Variants in ADAM32 observed in about 807,000 individuals in gnomAD.
The protein encoded by ADAM32 is ADAM metallopeptidase domain 32, also known as disintegrin and metalloproteinase domain-containing protein 32.
ADAM32 carries 89 observed loss-of-function variants against 114.9 expected under a neutral mutation model. That is an observed-to-expected ratio of 0.77 (90% CI 0.65 to 0.92). ADAM32 has a LOEUF of 0.92. ADAM32 is among the 40% of genes least tolerant of loss of function. The pLI is 0.00. For missense variants in ADAM32, 870 were observed against 932.8 expected (o/e 0.93, Z 0.88); for synonymous variants, 285 against 307.5 (o/e 0.93, Z 0.77).
At chr8:39,118,859 C>T (rs944046983) in intron 2 of ADAM32, among the ~76,000 whole-genome samples, 3 of 152,116 alleles carry the variant, frequency 2.0e-5, no homozygotes, top group African/African-American at 7.2e-5. Context: ...TTACCACAGT[C>T]CAGTTGTAGA....
chr8:39,249,959 C>T (rs1438502994), intron 17 of ADAM32, among the ~76,000 whole-genome samples: 1 of 152,028 alleles, frequency 6.6e-6, no homozygotes, highest in Non-Finnish European at 1.5e-5. Flanking sequence ...TATCTTTGTG[C>T]CTCTATAGAT....
chr8:39,246,031 A>G, intron 16 of ADAM32, 52 bp from the exon 17 acceptor site: 1 of 1,354,994 alleles, frequency 7.4e-7, no homozygotes, highest in Non-Finnish European at 1.1e-6. Context: ...TAATGTTATG[A>G]TGACTGTACC....
intron 1 of ADAM32, among the ~76,000 whole-genome samples, chr8:39,114,653 C>G (rs1450405066): frequency 6.6e-6 from 1 of 152,208 alleles, no homozygotes; most frequent in East Asian, 1.9e-4. Context: ...TCAGAATTCC[C>G]TGATTCCCAG....
intron 10 of ADAM32, among the ~76,000 whole-genome samples, chr8:39,180,355 G>A (rs1436101450): frequency 6.6e-6 from 1 of 152,198 alleles, no homozygotes; most frequent in African/African-American, 2.4e-5. Context: ...CTTCCCATGG[G>A]GCAGGCCTCC....
At chr8:39,215,124 T>C (rs1048093841) in intron 12 of ADAM32, among the ~76,000 whole-genome samples, 20 of 152,138 alleles carry the variant, frequency 1.3e-4, no homozygotes, top group African/African-American at 4.8e-4. Flanking sequence ...TCCTCCAGTT[T>C]TGTTCTTTTT....
intron 10 of ADAM32, among the ~76,000 whole-genome samples, chr8:39,180,037 A>C (rs1295373243): frequency 6.6e-6 from 1 of 152,046 alleles, no homozygotes; most frequent in Non-Finnish European, 1.5e-5. Context: ...CCTTTGGCCC[A>C]CCGCTGCACT....
In ADAM32 at chr8:39,124,060, G is replaced by C. The variant is rs562258245; in HGVS notation, c.138+5895G>C. ...TTTTAAGTTCAGGGGTGCATGTACA[G>C]GTTGTGCAGGTTTGTTATATAGGTA... On this transcript the variant is annotated intron_variant, in intron 2 of 24. Coordinates refer to ENST00000379907, the MANE Select transcript of ADAM32 (RefSeq NM_145004.7). Among the ~76,000 whole-genome samples, 51 of 151,674 alleles carry C rather than the reference G, an allele frequency of 3.4e-4. 1 individual carries two copies. In the South Asian group the frequency reaches 0.01, roughly 30 times the overall value.
chr8:39,196,417 A>T (rs1806998029), intron 11 of ADAM32, among the ~76,000 whole-genome samples: 1 of 152,024 alleles, frequency 6.6e-6, no homozygotes. Context: ...TGTGCCAGTT[A>T]TTGGGAGAAA....
chr8:39,280,464 A>G (rs769658519), intron 22 of ADAM32, among the ~76,000 whole-genome samples: 5 of 152,230 alleles, frequency 3.3e-5, no homozygotes, highest in Non-Finnish European at 7.3e-5. Context: ...TGCAATTTAT[A>G]TATTAACAAA....
chr8:39,203,078 T>A (rs572046134), intron 11 of ADAM32, among the ~76,000 whole-genome samples: 2 of 152,164 alleles, frequency 1.3e-5, no homozygotes, highest in Non-Finnish European at 2.9e-5. Context: ...GGGATAAGTG[T>A]GATGTGGTGC....
intron 12 of ADAM32, among the ~76,000 whole-genome samples, chr8:39,213,757 G>A (rs1808380115): frequency 6.6e-6 from 1 of 151,896 alleles, no homozygotes; most frequent in African/African-American, 2.4e-5. Flanking sequence ...GCTATGAAAT[G>A]CTAGCTCTTA....
chr8:39,112,563 A>G (rs775389256), intron 1 of ADAM32, among the ~76,000 whole-genome samples: 5 of 152,232 alleles, frequency 3.3e-5, no homozygotes, highest in African/African-American at 4.8e-5. Context: ...AACTTTGTAC[A>G]TGAAGTCTTG....
At chr8:39,214,625 CCATTCTGTGGGTTGTGTCTT>C (rs1393351926) in intron 12 of ADAM32, among the ~76,000 whole-genome samples, 1 of 151,992 alleles carries the variant, frequency 6.6e-6, no homozygotes, top group East Asian at 1.9e-4. Context: ...ATATTTCCTC[CCATTCTGTGGGTTGTGTCTT>C]CACTTTGTTG....
At chr8:39,274,448 T>TTGG in intron 21 of ADAM32, 98 bp downstream of exon 21, 1 of 1,391,324 alleles carries the variant, frequency 7.2e-7, no homozygotes, top group Non-Finnish European at 1.0e-6. Flanking sequence ...ACAATGTCAA[T>TTGG]TGGTAAAGCA....
At chr8:39,170,866 G>A (rs976571232) in intron 10 of ADAM32, among the ~76,000 whole-genome samples, 23 of 152,040 alleles carry the variant, frequency 1.5e-4, no homozygotes, top group African/African-American at 5.3e-4. Context: ...GAAGGGTAGG[G>A]GGAAGAGGAG....
At chr8:39,184,436 G>A (rs1253603791) in intron 10 of ADAM32, among the ~76,000 whole-genome samples, 2 of 152,092 alleles carry the variant, frequency 1.3e-5, no homozygotes, top group African/African-American at 4.8e-5. Flanking sequence ...AAGTTCTTTT[G>A]GATTTACTGT....
rs191146113 is a variant in ADAM32, at chr8:39,241,477, C to A, written c.1819-4606C>A. Among the ~76,000 whole-genome samples the A allele has an allele frequency of 2.3e-3, 356 of 152,348 alleles. 2 individuals carry two copies. The highest frequency in any genetic ancestry group is 7.6e-3 in the African/African-American group (315 of 41,588). ...AGGGCTCCACTCCTGCAGCAAACTT[C>A]TGCCTGGACACTCATACATCCTTTG... is the stretch of plus-strand genomic sequence containing the variant. On this transcript the variant is annotated intron_variant, in intron 16 of 24. Transcript: ENST00000379907.
chr8:39,113,699 G>A lies in ADAM32; in HGVS notation c.59-4387G>A, dbSNP rs1471661752. 4.6e-5 allele frequency among the ~76,000 whole-genome samples: 7 copies of A among 152,028 alleles called. No individual in the cohort carries two copies. The East Asian group carries it at 1.4e-3, about 29-fold the overall frequency. ...CATGTATCTTACTGAAACATCTAGGGCACTTGCTACTTCTTGCTCACTAAA... is the reference window on the plus strand; with the variant it reads ...CATGTATCTTACTGAAACATCTAGGACACTTGCTACTTCTTGCTCACTAAA... On this transcript the variant is annotated intron_variant, in intron 1 of 24. Coordinates refer to ENST00000379907, the MANE Select transcript of ADAM32 (RefSeq NM_145004.7).
intron 10 of ADAM32, among the ~76,000 whole-genome samples, chr8:39,186,566 T>C (rs1806259248): frequency 6.6e-6 from 1 of 152,212 alleles, no homozygotes; most frequent in Admixed American, 6.5e-5. Flanking sequence ...ATTAGAGCTC[T>C]TGTAAAAAGT....
Sources: allele counts gnomAD v4.1 joint callset (sites outside exome capture counted in the v4.1 genomes callset), GRCh38; gene constraint gnomAD v4.1.1; transcripts MANE v1.5; gene names NCBI Gene and HGNC (gene_info 2026-07-23, HGNC 2026-07-21).